The following SFXN1 variants were observed in gnomAD, a reference collection of about 807,000 sequenced individuals.
SFXN1 encodes the protein sideroflexin-1.
SFXN1 carries 32 observed loss-of-function variants against 39.5 expected under a neutral mutation model. That is an observed-to-expected ratio of 0.81 (90% CI 0.61 to 1.09). The LOEUF (loss-of-function observed/expected upper bound fraction) is 1.09. Among genes scored for constraint, SFXN1 ranks in the 50% least tolerant of loss-of-function variants. The pLI, the probability that SFXN1 is intolerant of heterozygous loss-of-function variation, is 0.00. For synonymous variants in SFXN1, 136 were observed against 146.5 expected (o/e 0.93, Z 0.52); for missense variants, 402 against 407.1 (o/e 0.99, Z 0.11).
At position 175,527,272 on chromosome 5, in the gene SFXN1, A is replaced by G. The variant is rs1246299975; in HGVS notation, c.*538A>G. On this transcript the variant is annotated 3_prime_UTR_variant, in exon 11 of 11. Coordinates refer to ENST00000321442, the MANE Select transcript of SFXN1 (RefSeq NM_022754.7). ...GGATTGCGCTAGCCCAATGAAGGTGATGAAGCTTTTGGATTTGGAGGGTAA... is the reference window on the plus strand; with the variant it reads ...GGATTGCGCTAGCCCAATGAAGGTGGTGAAGCTTTTGGATTTGGAGGGTAA... The G allele has an allele frequency of 6.6e-6, 1 of 152,646 alleles. No individual in the cohort carries two copies. Among genetic ancestry groups the G allele is most frequent in the Non-Finnish European group, 1.5e-5 (1 of 68,378 alleles). The allele number at this position is 152,646 out of a possible 1,614,324, so 9.5% of individuals were successfully genotyped here. A position where few individuals can be genotyped will look rare whatever the true frequency, so the allele number is the denominator to read the frequency against.
rs114046630 is a variant in SFXN1 at position 175,502,988 on chromosome 5, G to A, written c.165-6044G>A. Among the ~76,000 whole-genome samples, 1,285 of 152,222 alleles carry A rather than the reference G, an allele frequency of 8.4e-3. 24 individuals are homozygous for A. Among genetic ancestry groups the A allele is most frequent in the African/African-American group, 0.03 (1,227 of 41,534 alleles). ...GTCAGACACAAAATACACAAAATAT[G>A]TATCTACTCACTGTATGATTCCATT... On this transcript the variant is annotated intron_variant, in intron 2 of 10. Transcript: ENST00000321442.
intron 10 of SFXN1, 196 bp downstream of exon 10, chr5:175,522,618 T>C: frequency 4.0e-6 from 2 of 501,310 alleles, no homozygotes; most frequent in East Asian, 6.3e-5. Flanking sequence ...ACCCAGCTCT[T>C]TTCTACCCCC....
At position 175,512,103 on chromosome 5, in the gene SFXN1, C is replaced by T. The variant is rs372915790; in HGVS notation, c.511-8C>T. ...AAGATAAAGCTCTTGAAATTTTCTC[C>T]TCTGCAGCATGTCTCACCACTGATA... On this transcript the variant is annotated splice_polypyrimidine_tract_variant and splice_region_variant and intron_variant, in intron 5 of 10. Coordinates refer to ENST00000321442, the MANE Select transcript of SFXN1 (RefSeq NM_022754.7). 11 of 1,612,972 alleles carry T rather than the reference C, an allele frequency of 6.8e-6. No individual in the cohort carries two copies. In the African/African-American group the frequency reaches 9.3e-5, roughly 14 times the overall value.
At chr5:175,479,619 T>A (rs1759154493) in intron 1 of SFXN1, among the ~76,000 whole-genome samples, 1 of 152,174 alleles carries the variant, frequency 6.6e-6, no homozygotes, top group African/African-American at 2.4e-5. Context: ...GAACAGGGCC[T>A]ATTTTGTGTT....
At chr5:175,517,400 A>T (rs1760743939) in intron 8 of SFXN1, among the ~76,000 whole-genome samples, 1 of 151,812 alleles carries the variant, frequency 6.6e-6, no homozygotes, top group African/African-American at 2.4e-5. Flanking sequence ...CACGCCCCAC[A>T]TGGAAGGGCC....
rs1329134592 is a variant in SFXN1, at chr5:175,529,450, T to G, written c.*2716T>G. On this transcript the variant is annotated 3_prime_UTR_variant, in exon 11 of 11. Coordinates refer to ENST00000321442, the MANE Select transcript of SFXN1 (RefSeq NM_022754.7). The stretch of plus-strand genomic sequence containing the variant: ...AATGCTTTTATATAAAGCTATCAAC[T>G]GTATGTTGATCACAGTTTATAAGAA... 6.6e-6 allele frequency: 1 copy of G among 150,420 alleles called. No homozygotes were observed. Among genetic ancestry groups the G allele is most frequent in the African/African-American group, 2.5e-5 (1 of 40,012 alleles). 9.3% of individuals were successfully genotyped at this position (150,420 alleles called of 1,614,324 possible).
intron 4 of SFXN1, 186 bp downstream of exon 4, chr5:175,510,393 CA>C: frequency 1.8e-6 from 1 of 568,906 alleles, no homozygotes; most frequent in Non-Finnish European, 3.1e-6. Context: ...CTCTCCCTAT[CA>C]AGAAAACAGT....
chr5:175,492,874 A>G (rs1028203031), intron 2 of SFXN1, among the ~76,000 whole-genome samples: 12 of 152,142 alleles, frequency 7.9e-5, no homozygotes, highest in South Asian at 4.1e-4. Flanking sequence ...TCATATAGGA[A>G]CTATTTCAGC....
chr5:175,524,950 A>G (rs1032151775), intron 10 of SFXN1, among the ~76,000 whole-genome samples: 2 of 152,238 alleles, frequency 1.3e-5, no homozygotes, highest in African/African-American at 4.8e-5. Flanking sequence ...GAAAAATTAG[A>G]AAGTCAGAAT....
At chr5:175,522,319 T>A in intron 9 of SFXN1, 56 bp from the exon 10 acceptor site, 3 of 1,501,656 alleles carry the variant, frequency 2.0e-6, no homozygotes, top group Non-Finnish European at 2.7e-6. Context: ...AATAGAAAAA[T>A]AAGCTGAAAA....
intron 2 of SFXN1, 87 bp downstream of exon 2, chr5:175,492,354 A>G: frequency 1.6e-6 from 2 of 1,239,302 alleles, no homozygotes; most frequent in Non-Finnish European, 2.1e-6. Flanking sequence ...TAGTGATTTT[A>G]CAACTTTTTT....
intron 7 of SFXN1, among the ~76,000 whole-genome samples, chr5:175,515,465 A>G (rs938549064): frequency 6.6e-6 from 1 of 152,204 alleles, no homozygotes; most frequent in African/African-American, 2.4e-5. Context: ...TCCTAGTGCA[A>G]TTTATAAGAG....
At chr5:175,498,677 C>T (rs1199885459) in intron 2 of SFXN1, among the ~76,000 whole-genome samples, 2 of 151,954 alleles carry the variant, frequency 1.3e-5, no homozygotes, top group African/African-American at 4.8e-5. Flanking sequence ...AGAAAGCTAC[C>T]TAACAGAGAA....
At chr5:175,507,443 A>G (rs1488597291) in intron 2 of SFXN1, among the ~76,000 whole-genome samples, 1 of 152,240 alleles carries the variant, frequency 6.6e-6, no homozygotes, top group Non-Finnish European at 1.5e-5. Context: ...GAAGGTGGTT[A>G]TAAAGCAGCA....
intron 7 of SFXN1, among the ~76,000 whole-genome samples, chr5:175,514,326 T>C (rs140912193): frequency 6.6e-6 from 1 of 152,244 alleles, no homozygotes; most frequent in Admixed American, 6.5e-5. Flanking sequence ...GGTTTCCCTA[T>C]AGGGACTGGG....
chr5:175,523,665 A>T (rs1254383209), intron 10 of SFXN1: 3 of 152,204 alleles, frequency 2.0e-5, no homozygotes, highest in Non-Finnish European at 4.4e-5. Flanking sequence ...GAAATAAAAT[A>T]TAGCCCAACA....
chr5:175,526,934 C>T lies in SFXN1; in HGVS notation c.*200C>T, dbSNP rs1761082913. On this transcript the variant is annotated 3_prime_UTR_variant, in exon 11 of 11. Transcript: ENST00000321442. ...TGCCTGATACTCCCTTACACTGAAT[C>T]ATGTTATGATTTATAGAAATACCTT... 3.5e-6 allele frequency: 2 copies of T among 573,550 alleles called. No individual in the cohort carries two copies. The highest frequency in any genetic ancestry group is 6.6e-5 in the Admixed American group (2 of 30,256). 35.5% of individuals were successfully genotyped at this position (573,550 alleles called of 1,614,324 possible). A position where few individuals can be genotyped will look rare whatever the true frequency, so the allele number is the denominator to read the frequency against.
chr5:175,519,864 CTTTTTT>C (rs369561037), intron 8 of SFXN1, among the ~76,000 whole-genome samples: 1 of 77,282 alleles, frequency 1.3e-5, no homozygotes, highest in African/African-American at 5.4e-5. Flanking sequence ...GGGTTTTTTG[CTTTTTT>C]TTTTTTTTTT....
chr5:175,486,703 A>G (rs1041000152), intron 1 of SFXN1, among the ~76,000 whole-genome samples: 56 of 152,286 alleles, frequency 3.7e-4, no homozygotes, highest in Middle Eastern at 3.4e-3. Context: ...ACCTGAGCCC[A>G]GGACGTCAAG....
Sources: allele counts gnomAD v4.1 joint callset (sites outside exome capture counted in the v4.1 genomes callset), GRCh38; gene constraint gnomAD v4.1.1; transcripts MANE v1.5; gene names NCBI Gene and HGNC (gene_info 2026-07-23, HGNC 2026-07-21).